The following TAFA1 variants were observed in gnomAD, a reference collection of about 807,000 sequenced individuals.
TAFA1 encodes chemokine-like protein TAFA-1.
A neutral mutation model predicts 18.5 loss-of-function variants in TAFA1; 4 were observed. The observed-to-expected ratio is 0.22, with a 90% CI of 0.11 to 0.49. The LOEUF (loss-of-function observed/expected upper bound fraction) is 0.49, where lower values mean the gene tolerates loss of function less well. Among genes scored for constraint, TAFA1 ranks in the 20% least tolerant of loss-of-function variants. TAFA1 has a pLI of 0.98. For missense variants in TAFA1, 147 were observed against 169.0 expected, an observed-to-expected ratio of 0.87 and a Z score of 0.72; for synonymous variants, 56 against 55.2, an observed-to-expected ratio of 1.01 and a Z score of -0.06.
chr3:68,484,375 T>A (rs558974731), intron 3 of TAFA1, among the ~76,000 whole-genome samples: 1 of 152,180 alleles, frequency 6.6e-6, no homozygotes, highest in Admixed American at 6.5e-5. Context: ...AGGGAAACAG[T>A]TATTGGCTAT....
intron 2 of TAFA1, among the ~76,000 whole-genome samples, chr3:68,186,698 G>C (rs763617247): frequency 1.3e-5 from 2 of 151,976 alleles, no homozygotes; most frequent in Non-Finnish European, 2.9e-5. Context: ...GACCCAACCT[G>C]CCTGGGCTTT....
At chr3:68,087,343 G>T (rs2064982617) in intron 2 of TAFA1, among the ~76,000 whole-genome samples, 1 of 151,904 alleles carries the variant, frequency 6.6e-6, no homozygotes, top group South Asian at 2.1e-4. Context: ...AGGACATGAG[G>T]TTGCCAATGA....
At chr3:68,374,689 T>C (rs1351491404) in intron 2 of TAFA1, among the ~76,000 whole-genome samples, 1 of 152,200 alleles carries the variant, frequency 6.6e-6, no homozygotes, top group Non-Finnish European at 1.5e-5. Flanking sequence ...TGTGTCAGCA[T>C]CATGGTAAGC....
At chr3:68,085,758 G>A (rs11706410) in intron 2 of TAFA1, among the ~76,000 whole-genome samples, 76,707 of 152,026 alleles carry the variant, frequency 0.5, 19,784 homozygotes, top group South Asian at 0.63. Flanking sequence ...TCAGAGAGTA[G>A]GGAAAGGATA....
chr3:68,339,334 A>G (rs2069040538), intron 2 of TAFA1, among the ~76,000 whole-genome samples: 2 of 152,234 alleles, frequency 1.3e-5, no homozygotes, highest in Admixed American at 1.3e-4. Context: ...CATTTTTGCT[A>G]TGTTAATCAT....
intron 2 of TAFA1, among the ~76,000 whole-genome samples, chr3:68,355,869 G>C (rs1189474075): frequency 6.6e-6 from 1 of 151,996 alleles, no homozygotes; most frequent in Non-Finnish European, 1.5e-5. Flanking sequence ...AATGATTGTA[G>C]CTAGGCAAGT....
intron 2 of TAFA1, among the ~76,000 whole-genome samples, chr3:68,148,781 G>A (rs2065772253): frequency 6.6e-6 from 1 of 152,180 alleles, no homozygotes; most frequent in Non-Finnish European, 1.5e-5. Context: ...CCAAGGCACA[G>A]GACATCCCTT....
intron 2 of TAFA1, among the ~76,000 whole-genome samples, chr3:68,388,109 T>A (rs934767760): frequency 6.6e-6 from 1 of 152,100 alleles, no homozygotes; most frequent in African/African-American, 2.4e-5. Context: ...CACGTAAAAT[T>A]CCTCTTGTTT....
chr3:68,114,053 C>T lies in TAFA1; in HGVS notation c.118+107309C>T, dbSNP rs533537407. Among the ~76,000 whole-genome samples, 23 of 151,944 alleles carry T rather than the reference C, an allele frequency of 1.5e-4. 1 individual carries two copies. The highest frequency in any genetic ancestry group is 4.6e-4 in the African/African-American group (19 of 41,458). ...CTGAGTAGCTGGAATTACAGGCACC[C>T]GCCACCATGCCCAGCTAATTTTTGT... is the stretch of plus-strand genomic sequence containing the variant. On this transcript the variant is annotated intron_variant, in intron 2 of 4. Coordinates refer to ENST00000478136, the MANE Select transcript of TAFA1 (RefSeq NM_213609.4).
intron 2 of TAFA1, among the ~76,000 whole-genome samples, chr3:68,208,143 T>G (rs2066548730): frequency 6.6e-6 from 1 of 152,032 alleles, no homozygotes; most frequent in Non-Finnish European, 1.5e-5. Flanking sequence ...ATGTAATCAC[T>G]GCTGTATGAA....
intron 3 of TAFA1, among the ~76,000 whole-genome samples, chr3:68,477,541 ATTT>A (rs940055669): frequency 4.1e-5 from 6 of 147,148 alleles, no homozygotes; most frequent in Non-Finnish European, 7.5e-5. Context: ...TGCTTGGCTA[ATTT>A]TTTTTTTTGT....
intron 2 of TAFA1, among the ~76,000 whole-genome samples, chr3:68,250,560 T>C (rs544665409): frequency 6.6e-6 from 1 of 152,206 alleles, no homozygotes; most frequent in East Asian, 1.9e-4. Context: ...ATACTCCCTA[T>C]TCTCAAGAGA....
chr3:68,439,441 A>ATATATC (rs1368084224), intron 3 of TAFA1, among the ~76,000 whole-genome samples: 1 of 128,712 alleles, frequency 7.8e-6, no homozygotes, highest in Non-Finnish European at 1.7e-5. Flanking sequence ...ATATATATAT[A>ATATATC]TATGAGTTTA....
At chr3:68,387,394 C>T (rs566653852) in intron 2 of TAFA1, among the ~76,000 whole-genome samples, 88 of 152,170 alleles carry the variant, frequency 5.8e-4, no homozygotes, top group African/African-American at 2.0e-3. Context: ...ATTGATTAAA[C>T]GTAATGTTCG....
At chr3:68,518,133 A>G (rs1048502386) in intron 3 of TAFA1, among the ~76,000 whole-genome samples, 4 of 151,416 alleles carry the variant, frequency 2.6e-5, no homozygotes, top group Non-Finnish European at 5.9e-5. Flanking sequence ...CCCTTTTTCA[A>G]CCTCCTCTCA....
chr3:68,003,169 T>C (rs190650313), upstream of TAFA1, among the ~76,000 whole-genome samples: 38 of 152,336 alleles, frequency 2.5e-4, no homozygotes, highest in African/African-American at 8.9e-4. Context: ...AGCTATTATG[T>C]GTGTTTTGTG....
chr3:68,089,271 A>G (rs2065005351), intron 2 of TAFA1, among the ~76,000 whole-genome samples: 1 of 152,164 alleles, frequency 6.6e-6, no homozygotes, highest in South Asian at 2.1e-4. Flanking sequence ...CTTATTTGTA[A>G]AATTGAGGTA....
At chr3:68,113,893 TTTTG>T (rs552806610) in intron 2 of TAFA1, among the ~76,000 whole-genome samples, 4,455 of 21,674 alleles carry the variant, frequency 0.21, 490 homozygotes, top group African/African-American at 0.24. Context: ...GTGTAGTTTT[TTTTG>T]TTTTTTTTTT....
intron 2 of TAFA1, among the ~76,000 whole-genome samples, chr3:68,248,725 T>C (rs370329088): frequency 6.5e-4 from 1 of 1,548 alleles, no homozygotes; most frequent in Admixed American, 7.8e-3. Flanking sequence ...GGGTGGGTGG[T>C]GGGCGGGGGG....
Sources: allele counts gnomAD v4.1 joint callset (sites outside exome capture counted in the v4.1 genomes callset), GRCh38; gene constraint gnomAD v4.1.1; transcripts MANE v1.5; gene names NCBI Gene and HGNC (gene_info 2026-07-23, HGNC 2026-07-21).